COP1: variants seen among roughly 807,000 people sequenced by gnomAD.
COP1 encodes the protein E3 ubiquitin-protein ligase COP1.
In COP1, 24 loss-of-function variants were observed where a neutral mutation model predicts 101.3. The observed-to-expected ratio is 0.24, with a 90% CI of 0.17 to 0.33. COP1 has a LOEUF of 0.33. Ranked by LOEUF, COP1 falls within the 10% of genes least tolerant of loss-of-function variation. The pLI is 1.00. For synonymous variants in COP1, 347 were observed against 341.9 expected (o/e 1.01, Z -0.17); for missense variants, 663 against 906.2 (o/e 0.73, Z 3.45).
At chr1:176,176,152 T>G (rs1447497484) in intron 2 of COP1, 145 bp from the exon 3 acceptor site, 4 of 556,960 alleles carry the variant, frequency 7.2e-6, no homozygotes, top group Non-Finnish European at 1.3e-5. Flanking sequence ...ATTTTTACAT[T>G]ATCAACAGGA....
chr1:175,970,237 A>G (rs554634637), intron 18 of COP1, among the ~76,000 whole-genome samples: 2 of 152,316 alleles, frequency 1.3e-5, no homozygotes, highest in South Asian at 4.1e-4. Context: ...CCAGAAACCA[A>G]GGAGATAAAA....
At chr1:175,998,284 G>C (rs1020713604) in intron 15 of COP1, among the ~76,000 whole-genome samples, 9 of 150,898 alleles carry the variant, frequency 6.0e-5, no homozygotes, top group African/African-American at 1.7e-4. Context: ...ACACAGGAAG[G>C]GGAACATCAC....
intron 11 of COP1, among the ~76,000 whole-genome samples, chr1:176,071,237 A>T (rs1348295427): frequency 6.6e-6 from 1 of 151,568 alleles, no homozygotes; most frequent in African/African-American, 2.4e-5. Flanking sequence ...ACTCTCTCTC[A>T]CTTGCCCCTC....
At chr1:176,016,770 C>T (rs1665733564) in intron 15 of COP1, among the ~76,000 whole-genome samples, 2 of 151,500 alleles carry the variant, frequency 1.3e-5, no homozygotes, top group South Asian at 4.2e-4. Flanking sequence ...AGTATCAATC[C>T]AGGTGATAAA....
chr1:176,017,901 T>C (rs12128099), intron 15 of COP1, among the ~76,000 whole-genome samples: 9,984 of 152,240 alleles, frequency 0.066, 446 homozygotes, highest in Non-Finnish European at 0.087. Context: ...CACTATACTG[T>C]TTTAGAGAAC....
chr1:176,193,922 C>T (rs1171052381), intron 1 of COP1, among the ~76,000 whole-genome samples: 1 of 152,002 alleles, frequency 6.6e-6, no homozygotes, highest in Non-Finnish European at 1.5e-5. Flanking sequence ...TTTAAAACGG[C>T]GTATTTCAGG....
At chr1:175,947,895 G>A (rs1649388462) in intron 18 of COP1, among the ~76,000 whole-genome samples, 1 of 152,116 alleles carries the variant, frequency 6.6e-6, no homozygotes, top group South Asian at 2.1e-4. Context: ...GTGAATAATT[G>A]CTTTCCCAGC....
chr1:176,091,042 C>T (rs1239134223), intron 9 of COP1, among the ~76,000 whole-genome samples: 7 of 152,200 alleles, frequency 4.6e-5, no homozygotes, highest in African/African-American at 1.7e-4. Flanking sequence ...AGGCAAAATG[C>T]TTTTCAAGAG....
At chr1:176,028,532 A>G (rs542344474) in intron 14 of COP1, among the ~76,000 whole-genome samples, 1 of 150,960 alleles carries the variant, frequency 6.6e-6, no homozygotes, top group African/African-American at 2.4e-5. Flanking sequence ...GCCACCAAAA[A>G]AAAAAAATGA....
At position 175,990,901 on chromosome 1, in the gene COP1, T is replaced by C. The variant is rs1658263909; in HGVS notation, c.1730-1422A>G. On this transcript the variant is annotated intron_variant, in intron 15 of 19. Transcript: ENST00000367669. ...CTCTTGTAGACAGCATAAAGCTGGA[T>C]TCTAATTTTTTTTTTTTTGTAAACC... Among the ~76,000 whole-genome samples, 5 of 149,386 alleles carry C rather than the reference T, an allele frequency of 3.3e-5. No individual in the cohort carries two copies. In the South Asian group the frequency reaches 1.1e-3, roughly 32 times the overall value.
intron 1 of COP1, 118 bp from the exon 2 acceptor site, chr1:176,184,810 T>C (rs1213080413): frequency 1.5e-6 from 1 of 649,502 alleles, no homozygotes; most frequent in Non-Finnish European, 2.6e-6. Context: ...GAGCTAAGTC[T>C]ATAAACATTC....
At chr1:176,102,307 GTGCCTGCA>G (rs1558113430) in intron 9 of COP1, among the ~76,000 whole-genome samples, 40 of 152,008 alleles carry the variant, frequency 2.6e-4, no homozygotes, top group African/African-American at 9.4e-4. Flanking sequence ...ACCCTTGTAC[GTGCCTGCA>G]AGCCTAATCT....
At chr1:175,997,784 C>A (rs1321369940) in intron 15 of COP1, among the ~76,000 whole-genome samples, 7 of 152,080 alleles carry the variant, frequency 4.6e-5, no homozygotes, top group Non-Finnish European at 8.8e-5. Flanking sequence ...AATAGGAACA[C>A]TTTTACACTG....
chr1:176,101,162 C>T (rs1683335408), intron 9 of COP1, among the ~76,000 whole-genome samples: 1 of 152,046 alleles, frequency 6.6e-6, no homozygotes, highest in Admixed American at 6.5e-5. Flanking sequence ...CCCCCACCAT[C>T]AACATCAGTG....
chr1:176,159,033 A>G (rs892622511), intron 5 of COP1, among the ~76,000 whole-genome samples: 2 of 152,196 alleles, frequency 1.3e-5, no homozygotes, highest in African/African-American at 2.4e-5. Context: ...CAACCACTAA[A>G]AAGACAAAAA....
chr1:176,127,403 G>A (rs1688176041), intron 8 of COP1, among the ~76,000 whole-genome samples: 1 of 152,052 alleles, frequency 6.6e-6, no homozygotes, highest in Non-Finnish European at 1.5e-5. Context: ...CTACTTGTAT[G>A]AGTTCAACTT....
chr1:176,101,568 G>A (rs1280811595), intron 9 of COP1, among the ~76,000 whole-genome samples: 1 of 152,128 alleles, frequency 6.6e-6, no homozygotes, highest in Non-Finnish European at 1.5e-5. Flanking sequence ...TGGGCTCAGG[G>A]GAAGGGAACC....
chr1:175,978,915 AAC>A (rs1655183668), intron 18 of COP1, among the ~76,000 whole-genome samples: 1 of 152,224 alleles, frequency 6.6e-6, no homozygotes, highest in Non-Finnish European at 1.5e-5. Context: ...TTTTTTAATT[AAC>A]ACAAATAAAA....
intron 11 of COP1, among the ~76,000 whole-genome samples, chr1:176,062,589 T>C (rs1027062644): frequency 6.6e-6 from 1 of 152,214 alleles, no homozygotes; most frequent in African/African-American, 2.4e-5. Context: ...CTTCTTAAAA[T>C]GTTAAACACA....
Sources: allele counts gnomAD v4.1 joint callset (sites outside exome capture counted in the v4.1 genomes callset), GRCh38; gene constraint gnomAD v4.1.1; transcripts MANE v1.5; gene names NCBI Gene and HGNC (gene_info 2026-07-23, HGNC 2026-07-21).